CCSER1: variants seen among roughly 807,000 people sequenced by gnomAD.
CCSER1 encodes the protein coiled-coil serine rich protein 1, also known as serine-rich coiled-coil domain-containing protein 1.
CCSER1 carries 41 observed loss-of-function variants against 82.0 expected under a neutral mutation model. The ratio of observed to expected loss-of-function variants is 0.50; its 90% CI spans 0.39 to 0.65. The LOEUF (loss-of-function observed/expected upper bound fraction) is 0.65, where lower values mean the gene tolerates loss of function less well. CCSER1 is among the 30% of genes least tolerant of loss of function. The pLI is 0.00. For synonymous variants in CCSER1, 414 were observed against 383.9 expected, an observed-to-expected ratio of 1.08 and a Z score of -0.92; for missense variants, 1,119 against 1,064.2, an observed-to-expected ratio of 1.05 and a Z score of -0.72.
chr4:91,040,914 T>A (rs1165995099), intron 9 of CCSER1, among the ~76,000 whole-genome samples: 1 of 152,166 alleles, frequency 6.6e-6, no homozygotes, highest in Non-Finnish European at 1.5e-5. Context: ...TAAAGTGTTA[T>A]CAATGAAGTT....
intron 4 of CCSER1, among the ~76,000 whole-genome samples, chr4:90,403,326 C>G (rs936595666): frequency 1.3e-5 from 2 of 151,390 alleles, no homozygotes; most frequent in Non-Finnish European, 2.9e-5. Flanking sequence ...GGTGAAACCC[C>G]GTCTCTACTA....
intron 10 of CCSER1, among the ~76,000 whole-genome samples, chr4:91,141,459 A>C (rs942200267): frequency 6.6e-6 from 1 of 151,996 alleles, no homozygotes; most frequent in Non-Finnish European, 1.5e-5. Context: ...GCCCAATTTC[A>C]TTCTTTTTTT....
chr4:91,359,358 T>G (rs1749094770), intron 10 of CCSER1, among the ~76,000 whole-genome samples: 1 of 151,826 alleles, frequency 6.6e-6, no homozygotes, highest in Admixed American at 6.6e-5. Context: ...TTGGTTTTAC[T>G]TCCTTGTTGT....
chr4:90,794,367 A>T (rs1385400165), intron 7 of CCSER1, among the ~76,000 whole-genome samples: 1 of 152,170 alleles, frequency 6.6e-6, no homozygotes. Flanking sequence ...GTCCAGCTTC[A>T]ATCTTCTGCA....
intron 10 of CCSER1, among the ~76,000 whole-genome samples, chr4:91,441,607 G>C (rs1755156126): frequency 6.6e-6 from 1 of 152,192 alleles, no homozygotes; most frequent in African/African-American, 2.4e-5. Flanking sequence ...CATAGTGTTG[G>C]AAGTTCTGGT....
At chr4:91,143,993 A>G (rs1461331153) in intron 10 of CCSER1, among the ~76,000 whole-genome samples, 2 of 151,968 alleles carry the variant, frequency 1.3e-5, no homozygotes, top group Admixed American at 6.6e-5. Context: ...ACTTTGTACA[A>G]TGTGTTAGAG....
intron 1 of CCSER1, among the ~76,000 whole-genome samples, chr4:90,221,857 A>G (rs1333860483): frequency 6.6e-6 from 1 of 152,188 alleles, no homozygotes; most frequent in African/African-American, 2.4e-5. Flanking sequence ...CCTACATTAC[A>G]TATCAAGTGG....
chr4:91,063,955 T>C (rs1357680302), intron 9 of CCSER1, among the ~76,000 whole-genome samples: 1 of 152,190 alleles, frequency 6.6e-6, no homozygotes, highest in African/African-American at 2.4e-5. Flanking sequence ...TGTAATATTT[T>C]CTTTCTACTA....
intron 10 of CCSER1, among the ~76,000 whole-genome samples, chr4:91,209,583 G>A (rs771456356): frequency 5.3e-5 from 8 of 151,882 alleles, no homozygotes; most frequent in Non-Finnish European, 1.2e-4. Context: ...TGGTGGATTA[G>A]CTTTTTGATG....
rs77434323 is a variant in CCSER1, at chr4:91,340,810, G to A, written c.2217+254816G>A. ...GAATTTCTATATCAATTCACAGTGG[G>A]CACCACAATATGAAATTGTGGGAAC... On this transcript the variant is annotated intron_variant, in intron 10 of 10. Coordinates refer to ENST00000509176, the MANE Select transcript of CCSER1 (RefSeq NM_001145065.2). Among the ~76,000 whole-genome samples the A allele has an allele frequency of 1.5e-3, 230 of 152,230 alleles. 1 individual carries two copies. Among genetic ancestry groups the A allele is most frequent in the African/African-American group, 5.2e-3 (216 of 41,560 alleles).
intron 10 of CCSER1, among the ~76,000 whole-genome samples, chr4:91,410,426 G>GCTT (rs1266580792): frequency 6.6e-6 from 1 of 151,956 alleles, no homozygotes; most frequent in African/African-American, 2.4e-5. Flanking sequence ...ATTTTTAAAG[G>GCTT]CTTCTTTTAT....
At chr4:91,019,590 A>G (rs1412499383) in intron 9 of CCSER1, among the ~76,000 whole-genome samples, 3 of 152,172 alleles carry the variant, frequency 2.0e-5, no homozygotes, top group East Asian at 3.9e-4. Context: ...ATGTTTAATA[A>G]TGCACACTCC....
intron 10 of CCSER1, among the ~76,000 whole-genome samples, chr4:91,395,154 A>T (rs563210820): frequency 1.2e-3 from 183 of 152,184 alleles, no homozygotes; most frequent in African/African-American, 4.3e-3. Flanking sequence ...TTGTCTGATC[A>T]GTAAAGCTTT....
intron 10 of CCSER1, among the ~76,000 whole-genome samples, chr4:91,411,515 TATATATATATAA>T (rs1560650520): frequency 4.6e-4 from 51 of 110,670 alleles, no homozygotes; most frequent in Middle Eastern, 4.8e-3. Flanking sequence ...TATATATATA[TATATATATATAA>T]AATCTTGACT....
At chr4:91,216,466 C>G (rs62310742) in intron 10 of CCSER1, among the ~76,000 whole-genome samples, 8,812 of 152,098 alleles carry the variant, frequency 0.058, 496 homozygotes, top group African/African-American at 0.15. Context: ...ACTACAGGTG[C>G]GTGCCACCAC....
intron 3 of CCSER1, among the ~76,000 whole-genome samples, chr4:90,389,572 G>A (rs1380284233): frequency 2.6e-5 from 4 of 152,126 alleles, no homozygotes; most frequent in African/African-American, 9.7e-5. Flanking sequence ...TTAGGTAAAT[G>A]AGATATTATT....
chr4:90,970,937 T>G (rs1053853661), intron 9 of CCSER1, among the ~76,000 whole-genome samples: 31 of 151,930 alleles, frequency 2.0e-4, no homozygotes, highest in African/African-American at 7.5e-4. Context: ...AAAAGAAATT[T>G]TATATCAATA....
chr4:90,829,582 G>A (rs2149815792), intron 8 of CCSER1, among the ~76,000 whole-genome samples: 1 of 152,248 alleles, frequency 6.6e-6, no homozygotes, highest in Non-Finnish European at 1.5e-5. Flanking sequence ...GCCTCAGAAA[G>A]AATTTGACTG....
At chr4:90,611,770 G>C (rs985812512) in intron 5 of CCSER1, among the ~76,000 whole-genome samples, 2 of 147,566 alleles carry the variant, frequency 1.4e-5, no homozygotes, top group African/African-American at 2.5e-5. Context: ...TTTAATATAT[G>C]TAGAAACAGG....
Sources: allele counts gnomAD v4.1 joint callset (sites outside exome capture counted in the v4.1 genomes callset), GRCh38; gene constraint gnomAD v4.1.1; transcripts MANE v1.5; gene names NCBI Gene and HGNC (gene_info 2026-07-23, HGNC 2026-07-21).